Variants in SND1 observed in about 807,000 individuals in gnomAD.
SND1 encodes the protein staphylococcal nuclease domain-containing protein 1.
Under a neutral mutation model 121.7 loss-of-function variants are expected in SND1, and 38 were observed. The ratio of observed to expected loss-of-function variants is 0.31; its 90% CI spans 0.24 to 0.41. SND1 has a LOEUF of 0.41. Ranked by LOEUF, SND1 falls within the 10% of genes least tolerant of loss-of-function variation. The pLI is 1.00. For missense variants in SND1, 868 were observed against 1,184.6 expected, an observed-to-expected ratio of 0.73 and a Z score of 3.92; for synonymous variants, 401 against 447.4, an observed-to-expected ratio of 0.90 and a Z score of 1.31.
At chr7:127,992,200 T>G (rs1802538638) in intron 16 of SND1, among the ~76,000 whole-genome samples, 1 of 152,220 alleles carries the variant, frequency 6.6e-6, no homozygotes, top group East Asian at 1.9e-4. Context: ...TGCCCTCCAT[T>G]TTATTTTTTG....
At chr7:127,985,301 G>A (rs1022653728) in intron 15 of SND1, among the ~76,000 whole-genome samples, 7 of 152,140 alleles carry the variant, frequency 4.6e-5, no homozygotes, top group Admixed American at 1.3e-4. Flanking sequence ...CTTCTAGCCC[G>A]GGCTAGAGTG....
rs781105142 is a variant in SND1, at chr7:128,074,499, CAGGTGG to C, written c.1792_1797del (p.Val598_Glu599del). 1.2e-6 allele frequency: 2 copies of C among 1,608,966 alleles called. No homozygotes were observed. Among genetic ancestry groups the C allele is most frequent in the Non-Finnish European group, 1.7e-6 (2 of 1,176,592 alleles). On this transcript the variant is annotated splice_acceptor_variant and coding_sequence_variant, in exon 17 of 24. Transcript: ENST00000354725. LOFTEE classifies it high-confidence loss of function. ...CAGGCTTACGCCTGTCTCTCTGTCCCAGGTGGAGGTGGAGGTGGAGAGCATGGACAA... is the reference window on the plus strand; with the variant it reads ...CAGGCTTACGCCTGTCTCTCTGTCCCAGGTGGAGGTGGAGAGCATGGACAA...
At chr7:127,969,626 G>A (rs2116883466) in intron 15 of SND1, among the ~76,000 whole-genome samples, 1 of 152,284 alleles carries the variant, frequency 6.6e-6, no homozygotes, top group East Asian at 1.9e-4. Flanking sequence ...TACTCGGGAG[G>A]CTGAGGCAGG....
chr7:128,081,702 C>T (rs1562892866), intron 18 of SND1, among the ~76,000 whole-genome samples: 1 of 152,244 alleles, frequency 6.6e-6, no homozygotes, highest in Admixed American at 6.5e-5. Context: ...CAGGAGCCTT[C>T]ACATGAGCCC....
intron 16 of SND1, among the ~76,000 whole-genome samples, chr7:128,022,795 A>G (rs1803387708): frequency 6.8e-6 from 1 of 147,910 alleles, no homozygotes; most frequent in South Asian, 2.1e-4. Flanking sequence ...ATTAAATTAC[A>G]TCCCTGAAGG....
chr7:128,058,981 C>A (rs1280931665), intron 16 of SND1, among the ~76,000 whole-genome samples: 11 of 152,160 alleles, frequency 7.2e-5, no homozygotes, highest in Admixed American at 7.2e-4. Context: ...CTTCTCCTGG[C>A]TTCTGTTCTC....
At chr7:127,908,806 G>A (rs1418033994) in intron 14 of SND1, among the ~76,000 whole-genome samples, 4 of 152,050 alleles carry the variant, frequency 2.6e-5, no homozygotes, top group African/African-American at 2.4e-5. Flanking sequence ...TTTATCTTAG[G>A]TTTATTATTG....
intron 9 of SND1, among the ~76,000 whole-genome samples, chr7:127,710,985 T>C (rs1796288259): frequency 6.6e-6 from 1 of 152,198 alleles, no homozygotes; most frequent in African/African-American, 2.4e-5. Context: ...GAGTTAATAA[T>C]TTTTAAAATT....
At chr7:127,727,468 C>G (rs1470662930) in intron 10 of SND1, among the ~76,000 whole-genome samples, 1 of 152,174 alleles carries the variant, frequency 6.6e-6, no homozygotes, top group African/African-American at 2.4e-5. Context: ...GACCCTCAAG[C>G]CGACTTTGCC....
At chr7:128,072,812 G>A (rs1015783238) in intron 16 of SND1, among the ~76,000 whole-genome samples, 1 of 152,160 alleles carries the variant, frequency 6.6e-6, no homozygotes, top group African/African-American at 2.4e-5. Context: ...TGGATCCAAG[G>A]TGTTGAAACC....
intron 14 of SND1, among the ~76,000 whole-genome samples, chr7:127,921,631 A>C (rs1271746665): frequency 6.6e-6 from 1 of 152,176 alleles, no homozygotes; most frequent in Non-Finnish European, 1.5e-5. Context: ...TAATTCTGTG[A>C]GTTTTGGCAA....
At chr7:127,779,179 G>A (rs991641237) in intron 10 of SND1, among the ~76,000 whole-genome samples, 1 of 152,136 alleles carries the variant, frequency 6.6e-6, no homozygotes, top group African/African-American at 2.4e-5. Flanking sequence ...TTCTTCTGAC[G>A]TGAATGGTAG....
At chr7:127,749,782 G>A (rs1209882707) in intron 10 of SND1, among the ~76,000 whole-genome samples, 1 of 152,210 alleles carries the variant, frequency 6.6e-6, no homozygotes, top group Non-Finnish European at 1.5e-5. Context: ...ATGTAGAGTG[G>A]TAGGTGTAGC....
intron 10 of SND1, among the ~76,000 whole-genome samples, chr7:127,773,643 T>C (rs2116503041): frequency 6.6e-6 from 1 of 152,330 alleles, no homozygotes; most frequent in South Asian, 2.1e-4. Flanking sequence ...GAAGAATAGA[T>C]ACTTCTTGCA....
chr7:128,068,026 A>G (rs1318072313), intron 16 of SND1, among the ~76,000 whole-genome samples: 2 of 151,952 alleles, frequency 1.3e-5, no homozygotes, highest in African/African-American at 4.8e-5. Flanking sequence ...CCTCCCCGCA[A>G]CTTCACCATG....
intron 16 of SND1, among the ~76,000 whole-genome samples, chr7:128,022,004 G>C (rs1232144972): frequency 6.6e-6 from 1 of 152,054 alleles, no homozygotes; most frequent in Non-Finnish European, 1.5e-5. Context: ...GGGAGTTTCA[G>C]ACCAGCCTGG....
intron 3 of SND1, among the ~76,000 whole-genome samples, chr7:127,698,597 C>A (rs1032948577): frequency 3.9e-5 from 6 of 152,108 alleles, no homozygotes; most frequent in Non-Finnish European, 8.8e-5. Context: ...TTGTCCGTCT[C>A]CCATGGTTCC....
intron 14 of SND1, among the ~76,000 whole-genome samples, chr7:127,920,483 A>C (rs1338517793): frequency 2.6e-5 from 4 of 152,184 alleles, no homozygotes; most frequent in Admixed American, 2.6e-4. Context: ...TACTATAAAC[A>C]CTGAGTATTG....
chr7:127,976,908 C>T (rs1426868842), intron 15 of SND1, among the ~76,000 whole-genome samples: 1 of 152,112 alleles, frequency 6.6e-6, no homozygotes, highest in Non-Finnish European at 1.5e-5. Context: ...GGGACAGGCT[C>T]CACCTCCCCT....
Sources: allele counts gnomAD v4.1 joint callset (sites outside exome capture counted in the v4.1 genomes callset), GRCh38; gene constraint gnomAD v4.1.1; transcripts MANE v1.5; gene names NCBI Gene and HGNC (gene_info 2026-07-23, HGNC 2026-07-21).